The following SLC24A2 variants were observed in gnomAD, a reference collection of about 807,000 sequenced individuals.
SLC24A2 encodes the protein solute carrier family 24 member 2.
In SLC24A2, 36 loss-of-function variants were observed where a neutral mutation model predicts 62.0. The ratio of observed to expected loss-of-function variants is 0.58; its 90% CI spans 0.44 to 0.77. The LOEUF (loss-of-function observed/expected upper bound fraction) is 0.77. SLC24A2 is among the 30% of genes least tolerant of loss of function. SLC24A2 has a pLI of 0.00. For missense variants in SLC24A2, 846 were observed against 817.9 expected (o/e 1.03, Z -0.42); for synonymous variants, 358 against 294.0 (o/e 1.22, Z -2.23).
intron 2 of SLC24A2, among the ~76,000 whole-genome samples, chr9:19,672,231 T>A (rs946032379): frequency 6.8e-6 from 1 of 146,464 alleles, no homozygotes. Flanking sequence ...TTGTTATTGG[T>A]CTGGTTCAGA....
At chr9:20,235,842 C>T in the SLC24A2 span, among the ~76,000 whole-genome samples, 12 of 152,122 alleles carry the variant, frequency 7.9e-5, no homozygotes, top group African/African-American at 1.9e-4. Context: ...AGCTGTAGAC[C>T]GGAGCTGTTC....
chr9:19,869,050 C>T, the SLC24A2 span, among the ~76,000 whole-genome samples: 57 of 152,152 alleles, frequency 3.7e-4, no homozygotes, highest in Middle Eastern at 6.8e-3. Flanking sequence ...GGCAGGAACA[C>T]GGCTCACTGC....
At chr9:19,754,172 C>G (rs902150653) in intron 2 of SLC24A2, among the ~76,000 whole-genome samples, 8 of 152,184 alleles carry the variant, frequency 5.3e-5, no homozygotes, top group African/African-American at 1.7e-4. Flanking sequence ...GTCAAAGGAG[C>G]CACATCCTCA....
intron 2 of SLC24A2, among the ~76,000 whole-genome samples, chr9:19,677,545 T>C (rs936153842): frequency 3.9e-5 from 6 of 152,218 alleles, no homozygotes; most frequent in Non-Finnish European, 7.3e-5. Context: ...CAAGGTTTCC[T>C]GTATAACAAA....
At chr9:19,586,582 T>C (rs1204400437) in intron 5 of SLC24A2, among the ~76,000 whole-genome samples, 4 of 152,052 alleles carry the variant, frequency 2.6e-5, no homozygotes, top group Non-Finnish European at 5.9e-5. Flanking sequence ...TTTATTTTAA[T>C]ACCCCCTCCC....
At chr9:19,923,017 T>C in the SLC24A2 span, among the ~76,000 whole-genome samples, 24 of 150,064 alleles carry the variant, frequency 1.6e-4, no homozygotes, top group Admixed American at 1.6e-3. Flanking sequence ...ATATAAAACA[T>C]TTAATTTAAC....
At chr9:19,661,247 T>A (rs1327064132) in intron 2 of SLC24A2, among the ~76,000 whole-genome samples, 1 of 151,992 alleles carries the variant, frequency 6.6e-6, no homozygotes, top group African/African-American at 2.4e-5. Flanking sequence ...AATTCACCCA[T>A]GACTTATCTA....
the SLC24A2 span, among the ~76,000 whole-genome samples, chr9:20,044,796 G>A: frequency 6.6e-6 from 1 of 152,100 alleles, no homozygotes; most frequent in Non-Finnish European, 1.5e-5. Context: ...CATGCACACA[G>A]TATCACTAAG....
chr9:20,123,234 A>G, the SLC24A2 span, among the ~76,000 whole-genome samples: 1 of 152,154 alleles, frequency 6.6e-6, no homozygotes, highest in Admixed American at 6.5e-5. Context: ...CCCTTTTATA[A>G]GGCAAAATCC....
chr9:19,719,690 A>G (rs781193231), intron 2 of SLC24A2, among the ~76,000 whole-genome samples: 2 of 152,250 alleles, frequency 1.3e-5, no homozygotes, highest in Non-Finnish European at 2.9e-5. Context: ...TTACAAGAAT[A>G]TCAGCAAGTT....
intron 2 of SLC24A2, among the ~76,000 whole-genome samples, chr9:19,634,800 T>A (rs966426297): frequency 9.2e-5 from 14 of 152,210 alleles, no homozygotes; most frequent in African/African-American, 2.4e-4. Flanking sequence ...GTACATAATT[T>A]AAAAAATAAG....
the SLC24A2 span, among the ~76,000 whole-genome samples, chr9:20,017,185 G>A: frequency 6.6e-6 from 1 of 151,950 alleles, no homozygotes; most frequent in Non-Finnish European, 1.5e-5. Context: ...ACCACTCCTA[G>A]CTAATTTTTG....
At chr9:20,275,077 G>A in the SLC24A2 span, among the ~76,000 whole-genome samples, 1 of 152,106 alleles carries the variant, frequency 6.6e-6, no homozygotes, top group South Asian at 2.1e-4. Flanking sequence ...GACCCAGCAG[G>A]AAGAGATGAA....
At chr9:19,836,713 C>G in the SLC24A2 span, among the ~76,000 whole-genome samples, 1 of 152,230 alleles carries the variant, frequency 6.6e-6, no homozygotes, top group Non-Finnish European at 1.5e-5. Flanking sequence ...AGGGAATCCT[C>G]CCTAACTCAT....
the SLC24A2 span, among the ~76,000 whole-genome samples, chr9:20,124,027 T>C: frequency 1.3e-5 from 2 of 152,202 alleles, no homozygotes; most frequent in African/African-American, 2.4e-5. Flanking sequence ...TCTCATAGAA[T>C]AGCATGAAAA....
the SLC24A2 span, among the ~76,000 whole-genome samples, chr9:20,145,749 A>T: frequency 6.6e-6 from 1 of 151,924 alleles, no homozygotes; most frequent in Non-Finnish European, 1.5e-5. Flanking sequence ...TCCTGGATTT[A>T]TTCTGTGCTT....
chr9:19,835,289 TAA>T, the SLC24A2 span, among the ~76,000 whole-genome samples: 3 of 152,080 alleles, frequency 2.0e-5, no homozygotes, highest in Non-Finnish European at 4.4e-5. Context: ...GCAAATTGGA[TAA>T]AGAGTCAAGA....
the SLC24A2 span, among the ~76,000 whole-genome samples, chr9:20,083,919 T>G: frequency 1.3e-5 from 2 of 152,222 alleles, no homozygotes; most frequent in Non-Finnish European, 2.9e-5. Flanking sequence ...ATGTCGCTGT[T>G]ACACTGTTAG....
At chr9:19,821,292 T>C in the SLC24A2 span, among the ~76,000 whole-genome samples, 1 of 152,146 alleles carries the variant, frequency 6.6e-6, no homozygotes, top group Non-Finnish European at 1.5e-5. Context: ...ATCTAGATTC[T>C]GCATCTAGAA....
Sources: allele counts gnomAD v4.1 joint callset (sites outside exome capture counted in the v4.1 genomes callset), GRCh38; gene constraint gnomAD v4.1.1; transcripts MANE v1.5; gene names NCBI Gene and HGNC (gene_info 2026-07-23, HGNC 2026-07-21).